ARHGAP15: variants seen among roughly 807,000 people sequenced by gnomAD.
ARHGAP15 encodes the protein Rho GTPase activating protein 15, also known as rho GTPase-activating protein 15.
ARHGAP15 carries 51 observed loss-of-function variants against 63.7 expected under a neutral mutation model. The observed-to-expected ratio is 0.80, with a 90% CI of 0.64 to 1.01. The LOEUF is 1.01. ARHGAP15 is among the 50% of genes least tolerant of loss of function. ARHGAP15 has a pLI of 0.00. For synonymous variants in ARHGAP15, 191 were observed against 193.8 expected, an observed-to-expected ratio of 0.99 and a Z score of 0.12; for missense variants, 560 against 564.6, an observed-to-expected ratio of 0.99 and a Z score of 0.08.
intron 6 of ARHGAP15, among the ~76,000 whole-genome samples, chr2:143,318,044 G>A (rs1683803353): frequency 6.6e-6 from 1 of 151,710 alleles, no homozygotes; most frequent in African/African-American, 2.4e-5. Context: ...TGTTACCCAG[G>A]CTGAAGTGCA....
At chr2:143,346,137 A>G (rs985110707) in intron 6 of ARHGAP15, among the ~76,000 whole-genome samples, 9 of 151,402 alleles carry the variant, frequency 5.9e-5, no homozygotes, top group African/African-American at 2.2e-4. Flanking sequence ...CGATACAGTC[A>G]TGTCCTGTAC....
At chr2:143,713,527 T>C (rs1358409009) in intron 13 of ARHGAP15, among the ~76,000 whole-genome samples, 1 of 151,868 alleles carries the variant, frequency 6.6e-6, no homozygotes, top group Non-Finnish European at 1.5e-5. Flanking sequence ...TTCCCAACAG[T>C]CCCCCAAAGT....
chr2:143,743,034 C>A (rs1431947083), intron 13 of ARHGAP15, among the ~76,000 whole-genome samples: 2 of 152,146 alleles, frequency 1.3e-5, no homozygotes, highest in Non-Finnish European at 2.9e-5. Flanking sequence ...GGTCTAGAGA[C>A]AAGGGATATC....
At chr2:143,590,493 C>T (rs1315406868) in intron 11 of ARHGAP15, among the ~76,000 whole-genome samples, 2 of 152,126 alleles carry the variant, frequency 1.3e-5, no homozygotes, top group East Asian at 1.9e-4. Context: ...GGACAACAGC[C>T]ACTTTAGCCC....
At chr2:143,240,277 A>G (rs1313774782) in intron 5 of ARHGAP15, among the ~76,000 whole-genome samples, 1 of 152,178 alleles carries the variant, frequency 6.6e-6, no homozygotes, top group Non-Finnish European at 1.5e-5. Context: ...CACATTAATT[A>G]AATAATGCAA....
intron 6 of ARHGAP15, among the ~76,000 whole-genome samples, chr2:143,324,246 C>T (rs979800697): frequency 1.3e-5 from 2 of 152,188 alleles, no homozygotes; most frequent in African/African-American, 4.8e-5. Flanking sequence ...ATAACATCCA[C>T]TAAGGTTAAT....
intron 11 of ARHGAP15, among the ~76,000 whole-genome samples, chr2:143,585,093 G>T (rs1211479246): frequency 6.6e-6 from 1 of 152,088 alleles, no homozygotes; most frequent in Admixed American, 6.6e-5. Context: ...TTAGATAAAC[G>T]CAAGATAAAT....
chr2:143,732,330 G>A (rs997551004), intron 13 of ARHGAP15, among the ~76,000 whole-genome samples: 1 of 152,054 alleles, frequency 6.6e-6, no homozygotes. Flanking sequence ...CATGCATTTG[G>A]AATACTACCT....
intron 11 of ARHGAP15, among the ~76,000 whole-genome samples, chr2:143,579,231 G>A (rs1447441116): frequency 6.6e-6 from 1 of 152,174 alleles, no homozygotes; most frequent in Non-Finnish European, 1.5e-5. Context: ...GTGATAGGAA[G>A]CATCTAAGTA....
At chr2:143,690,401 T>A (rs918241622) in intron 12 of ARHGAP15, among the ~76,000 whole-genome samples, 9 of 152,214 alleles carry the variant, frequency 5.9e-5, no homozygotes, top group Admixed American at 2.0e-4. Flanking sequence ...GGCATCACAC[T>A]GAAAGTTTGC....
chr2:143,217,938 A>T (rs918249039), intron 4 of ARHGAP15, among the ~76,000 whole-genome samples: 1 of 152,188 alleles, frequency 6.6e-6, no homozygotes, highest in Non-Finnish European at 1.5e-5. Flanking sequence ...AAATAATTTC[A>T]AGAAAGCAGA....
At chr2:143,311,286 C>T (rs576657436) in intron 6 of ARHGAP15, among the ~76,000 whole-genome samples, 240 of 145,894 alleles carry the variant, frequency 1.6e-3, no homozygotes, top group African/African-American at 5.6e-3. Context: ...CTTCCCCTCC[C>T]TTTTTTTTTT....
chr2:143,515,750 A>T (rs892880093), intron 9 of ARHGAP15, among the ~76,000 whole-genome samples: 1 of 152,216 alleles, frequency 6.6e-6, no homozygotes, highest in African/African-American at 2.4e-5. Context: ...ACAAGAAAGA[A>T]GGTGGGAGAG....
At chr2:143,160,245 AT>A (rs1423826023) in intron 2 of ARHGAP15, among the ~76,000 whole-genome samples, 2 of 151,978 alleles carry the variant, frequency 1.3e-5, no homozygotes, top group Non-Finnish European at 2.9e-5. Flanking sequence ...TATTTTTCTG[AT>A]TCAAGAACAA....
chr2:143,158,092 C>T (rs1261875573), intron 2 of ARHGAP15, among the ~76,000 whole-genome samples: 1 of 151,858 alleles, frequency 6.6e-6, no homozygotes, highest in East Asian at 1.9e-4. Context: ...TCCAGTATGA[C>T]TTACTGGACT....
intron 6 of ARHGAP15, among the ~76,000 whole-genome samples, chr2:143,255,208 G>A (rs1230656526): frequency 6.6e-6 from 1 of 152,000 alleles, no homozygotes; most frequent in Non-Finnish European, 1.5e-5. Flanking sequence ...TCAATTACCT[G>A]TTTGCTGCTT....
chr2:143,638,417 C>T (rs947630509), intron 12 of ARHGAP15, among the ~76,000 whole-genome samples: 24 of 140,834 alleles, frequency 1.7e-4, no homozygotes, highest in Admixed American at 7.3e-4. Context: ...AACCAAACAC[C>T]GCATATTCTC....
intron 6 of ARHGAP15, among the ~76,000 whole-genome samples, chr2:143,398,999 C>T (rs1391048743): frequency 6.6e-6 from 1 of 152,032 alleles, no homozygotes; most frequent in African/African-American, 2.4e-5. Flanking sequence ...GTTATCCAGG[C>T]TTATGCCATC....
intron 12 of ARHGAP15, among the ~76,000 whole-genome samples, chr2:143,686,595 CT>C (rs1683362090): frequency 6.6e-6 from 1 of 151,974 alleles, no homozygotes; most frequent in African/African-American, 2.4e-5. Flanking sequence ...AATTAAATGA[CT>C]GTTTTTGAAC....
Sources: allele counts gnomAD v4.1 joint callset (sites outside exome capture counted in the v4.1 genomes callset), GRCh38; gene constraint gnomAD v4.1.1; transcripts MANE v1.5; gene names NCBI Gene and HGNC (gene_info 2026-07-23, HGNC 2026-07-21).